The following PPME1 variants were observed in gnomAD, a reference collection of about 807,000 sequenced individuals.
PPME1 encodes testicular secretory protein Li 39.
Under a neutral mutation model 56.9 loss-of-function variants are expected in PPME1, and 17 were observed. The observed-to-expected ratio is 0.30, with a 90% CI of 0.20 to 0.45. The LOEUF is 0.45. Among genes scored for constraint, PPME1 ranks in the 20% least tolerant of loss-of-function variants. The probability of loss-of-function intolerance (pLI) is 1.00; values close to 1 mark genes in which losing one functional copy is unlikely to be tolerated. For synonymous variants in PPME1, 122 were observed against 156.2 expected (o/e 0.78, Z 1.63); for missense variants, 357 against 483.2 (o/e 0.74, Z 2.45).
At chr11:74,222,869 A>T (rs73549035) in intron 4 of PPME1, 1 of 152,056 alleles carries the variant, frequency 6.6e-6, no homozygotes, top group East Asian at 1.9e-4. Context: ...AGTTTTATGT[A>T]TAATATTTAT....
At chr11:74,191,952 C>T (rs981216905) in intron 1 of PPME1, among the ~76,000 whole-genome samples, 5 of 152,178 alleles carry the variant, frequency 3.3e-5, no homozygotes, top group African/African-American at 1.2e-4. Context: ...CGTCAAAGAC[C>T]CCACTGGAGC....
intron 3 of PPME1, among the ~76,000 whole-genome samples, chr11:74,210,633 C>G (rs1858447708): frequency 6.6e-6 from 1 of 152,158 alleles, no homozygotes; most frequent in East Asian, 1.9e-4. Flanking sequence ...TCTCCCTCCC[C>G]TCTTTCTGCT....
At chr11:74,248,324 A>C (rs947840) in intron 11 of PPME1, 15,964 of 152,208 alleles carry the variant, frequency 0.1, 2,193 homozygotes, top group African/African-American at 0.32. Context: ...CCATTTATAT[A>C]TTGATGACTC....
intron 9 of PPME1, among the ~76,000 whole-genome samples, chr11:74,244,503 A>C (rs1345685002): frequency 6.6e-6 from 1 of 152,080 alleles, no homozygotes; most frequent in East Asian, 1.9e-4. Flanking sequence ...CTGTGCATTT[A>C]TTTATTGATT....
chr11:74,178,824 A>T (rs1253553637), intron 1 of PPME1, among the ~76,000 whole-genome samples: 1 of 152,118 alleles, frequency 6.6e-6, no homozygotes, highest in African/African-American at 2.4e-5. Context: ...AAACCTAATG[A>T]GCCTTCCATG....
intron 1 of PPME1, among the ~76,000 whole-genome samples, chr11:74,200,325 G>C (rs1011869018): frequency 1.3e-5 from 2 of 151,398 alleles, no homozygotes; most frequent in African/African-American, 4.9e-5. Context: ...AAAATTAATT[G>C]AAGTCTTCTA....
In PPME1 at chr11:74,230,522, A is replaced by C; in HGVS notation, c.553+123A>C. 1 of 1,201,816 alleles carries C rather than the reference A, an allele frequency of 8.3e-7. No individual in the cohort carries two copies. Among genetic ancestry groups the C allele is most frequent in the South Asian group, 1.4e-5 (1 of 72,876 alleles). The allele number at this position is 1,201,816 out of a possible 1,614,324, so 74.4% of individuals were successfully genotyped here. A position where few individuals can be genotyped will look rare whatever the true frequency, so the allele number is the denominator to read the frequency against. On this transcript the variant is annotated intron_variant, in intron 6 of 13. Transcript: ENST00000328257. This position sits in a 1 kb window ranked among gnomAD's most constrained non-coding sequence, Gnocchi z 4.9. ...TCTTGAAATATGTCCCTCTGTCTTTATATCTTTTTTAAGTTTATACAAGAT... is the reference window on the plus strand; with the variant it reads ...TCTTGAAATATGTCCCTCTGTCTTTCTATCTTTTTTAAGTTTATACAAGAT...
At chr11:74,226,404 G>C (rs1858932877) in intron 5 of PPME1, among the ~76,000 whole-genome samples, 1 of 152,254 alleles carries the variant, frequency 6.6e-6, no homozygotes, top group Non-Finnish European at 1.5e-5. Flanking sequence ...AAGAAATAAT[G>C]TGTATAGTAT....
At chr11:74,179,319 A>G (rs1857473830) in intron 1 of PPME1, among the ~76,000 whole-genome samples, 1 of 152,098 alleles carries the variant, frequency 6.6e-6, no homozygotes, top group Admixed American at 6.5e-5. Context: ...CATAGGAAAA[A>G]CTTGTCTGTA....
At chr11:74,181,867 G>A (rs1857548574) in intron 1 of PPME1, among the ~76,000 whole-genome samples, 1 of 152,210 alleles carries the variant, frequency 6.6e-6, no homozygotes, top group Non-Finnish European at 1.5e-5. Flanking sequence ...AGTGAAAGTA[G>A]CCACAGACAA....
At chr11:74,237,986 T>C (rs1859239649) in intron 8 of PPME1, 1 of 152,230 alleles carries the variant, frequency 6.6e-6, no homozygotes, top group South Asian at 2.1e-4. Context: ...TTTAAAATTT[T>C]ATTTCCAGTG....
At chr11:74,224,015 G>T (rs1382096141) in intron 4 of PPME1, among the ~76,000 whole-genome samples, 1 of 152,158 alleles carries the variant, frequency 6.6e-6, no homozygotes, top group African/African-American at 2.4e-5. Flanking sequence ...TTAAGTCCTT[G>T]TCCATGCCTA....
intron 9 of PPME1, among the ~76,000 whole-genome samples, chr11:74,245,420 GAATT>G (rs745574619): frequency 3.9e-5 from 6 of 151,928 alleles, no homozygotes; most frequent in Non-Finnish European, 8.8e-5. Context: ...AAAATATAGA[GAATT>G]ATTTATTTTT....
At chr11:74,194,441 T>C (rs565373105) in intron 1 of PPME1, among the ~76,000 whole-genome samples, 2 of 152,262 alleles carry the variant, frequency 1.3e-5, no homozygotes, top group African/African-American at 4.8e-5. Context: ...TCTAAGTGCC[T>C]CTCTGGATTC....
chr11:74,193,129 T>A (rs1313707735), intron 1 of PPME1, among the ~76,000 whole-genome samples: 2 of 152,260 alleles, frequency 1.3e-5, no homozygotes, highest in Non-Finnish European at 2.9e-5. Context: ...ACATTATGTT[T>A]TTTCACTGTA....
chr11:74,213,528 T>A (rs1277009796), intron 3 of PPME1, among the ~76,000 whole-genome samples: 1 of 152,088 alleles, frequency 6.6e-6, no homozygotes, highest in Non-Finnish European at 1.5e-5. Context: ...CTTGGGTGAG[T>A]CCCAGTGTTG....
At chr11:74,183,944 C>G (rs968213873) in intron 1 of PPME1, among the ~76,000 whole-genome samples, 17 of 152,106 alleles carry the variant, frequency 1.1e-4, no homozygotes, top group African/African-American at 3.9e-4. Flanking sequence ...AATTGTCCAT[C>G]CTGAATTTAA....
intron 1 of PPME1, among the ~76,000 whole-genome samples, chr11:74,199,938 C>T (rs955474895): frequency 6.6e-6 from 1 of 152,170 alleles, no homozygotes; most frequent in African/African-American, 2.4e-5. Context: ...ATTCAATTAT[C>T]TCCAACCAGG....
intron 1 of PPME1, among the ~76,000 whole-genome samples, chr11:74,189,057 A>G (rs1291389482): frequency 6.6e-6 from 1 of 152,188 alleles, no homozygotes; most frequent in Non-Finnish European, 1.5e-5. Context: ...AATGCACTTC[A>G]AAATATGTAA....
Sources: gnomAD v4.1 joint callset for allele counts (sites outside exome capture counted in the v4.1 genomes callset) on GRCh38, gnomAD v4.1.1 for gene constraint, Gnocchi (gnomAD v3.1) non-coding constraint, MANE v1.5 for transcripts, NCBI Gene and HGNC (gene_info 2026-07-23, HGNC 2026-07-21) for gene names.